ACBD6: variants seen among roughly 807,000 people sequenced by gnomAD.
The protein encoded by ACBD6 is acyl-CoA binding domain containing 6.
ACBD6 carries 28 observed loss-of-function variants against 37.2 expected under a neutral mutation model. The ratio of observed to expected loss-of-function variants is 0.75; its 90% CI spans 0.56 to 1.03. The LOEUF is 1.03. Among genes scored for constraint, ACBD6 ranks in the 50% least tolerant of loss-of-function variants. The pLI is 0.00. For missense variants in ACBD6, 340 were observed against 337.4 expected (o/e 1.01, Z -0.06); for synonymous variants, 113 against 126.8 (o/e 0.89, Z 0.73).
At chr1:180,344,184 A>G (rs970270743) in intron 6 of ACBD6, among the ~76,000 whole-genome samples, 2 of 152,240 alleles carry the variant, frequency 1.3e-5, no homozygotes, top group Non-Finnish European at 2.9e-5. Flanking sequence ...AATGGGTAAG[A>G]GGCCAGCAGA....
intron 4 of ACBD6, among the ~76,000 whole-genome samples, chr1:180,424,929 G>A (rs1648523004): frequency 1.3e-5 from 2 of 152,166 alleles, no homozygotes; most frequent in Non-Finnish European, 2.9e-5. Context: ...ATGAGAGCCA[G>A]GAGACTCTTA....
intron 5 of ACBD6, among the ~76,000 whole-genome samples, chr1:180,412,412 C>A (rs1480213365): frequency 2.6e-5 from 4 of 152,164 alleles, no homozygotes; most frequent in Non-Finnish European, 2.9e-5. Flanking sequence ...TTCTTCCTAA[C>A]AATTACTACC....
chr1:180,280,307 G>T (rs1318653328), intron 9 of ACBD6, among the ~76,000 whole-genome samples: 1 of 152,000 alleles, frequency 6.6e-6, no homozygotes, highest in Non-Finnish European at 1.5e-5. Flanking sequence ...TTGTGTGTGT[G>T]GCATTTCCCT....
At chr1:180,405,286 G>C (rs969628706) in intron 5 of ACBD6, among the ~76,000 whole-genome samples, 8 of 151,842 alleles carry the variant, frequency 5.3e-5, no homozygotes, top group African/African-American at 1.9e-4. Flanking sequence ...GTATTGTTAG[G>C]AGCCACAGAT....
At chr1:180,378,930 G>A (rs1414381053) in intron 6 of ACBD6, among the ~76,000 whole-genome samples, 1 of 152,036 alleles carries the variant, frequency 6.6e-6, no homozygotes, top group Non-Finnish European at 1.5e-5. Flanking sequence ...ATTACCTAGG[G>A]GCTCGAGAAC....
At chr1:180,472,184 A>G (rs1009773025) in intron 3 of ACBD6, among the ~76,000 whole-genome samples, 2 of 152,158 alleles carry the variant, frequency 1.3e-5, no homozygotes, top group African/African-American at 4.8e-5. Flanking sequence ...CCCCTCCTTT[A>G]AGTTAAGGTA....
chr1:180,427,069 GA>G, intron 4 of ACBD6, among the ~76,000 whole-genome samples: 1 of 152,186 alleles, frequency 6.6e-6, no homozygotes, highest in Admixed American at 6.5e-5. Flanking sequence ...TTCTATGACA[GA>G]GTAGAAAGCA....
chr1:180,380,699 C>A (rs1040412992), intron 6 of ACBD6, among the ~76,000 whole-genome samples: 1 of 151,598 alleles, frequency 6.6e-6, no homozygotes. Flanking sequence ...AATATAAAAA[C>A]CACTGGTGGA....
chr1:180,369,656 T>C (rs1419202195), intron 6 of ACBD6, among the ~76,000 whole-genome samples: 1 of 152,202 alleles, frequency 6.6e-6, no homozygotes, highest in South Asian at 2.1e-4. Context: ...TAAAAAACTG[T>C]TAGACAAGTA....
intron 3 of ACBD6, among the ~76,000 whole-genome samples, chr1:180,446,380 T>C (rs1649474500): frequency 1.3e-5 from 2 of 152,144 alleles, no homozygotes; most frequent in South Asian, 2.1e-4. Flanking sequence ...TTAAACATTT[T>C]TGAAGCAAAA....
chr1:180,461,896 CATG>C (rs1290161262), intron 3 of ACBD6, among the ~76,000 whole-genome samples: 1 of 152,094 alleles, frequency 6.6e-6, no homozygotes, highest in Non-Finnish European at 1.5e-5. Context: ...CAGGTAGCAT[CATG>C]ATGACAGGAT....
Position 180,413,458 on chromosome 1 carries a change from T to G in ACBD6, c.481A>C (p.Asn161His), listed in dbSNP as rs1200576802. ...TTTTCCCTGCAGTAATCAAATATATTTTTGTCTTCTTCCCTAGAATAAAAA... is the reference window on the plus strand; with the variant it reads ...TTTTCCCTGCAGTAATCAAATATATGTTTGTCTTCTTCCCTAGAATAAAAA... ...HEETIREEDK[N>H]IFDYCRENNI... The change falls in exon 5 of 8, where the codon AAT becomes CAT. Residue 161 changes from asparagine (N) to histidine (H), a missense_variant. Transcript: ENST00000367595. 1.2e-6 allele frequency: 2 copies of G among 1,611,740 alleles called. No individual in the cohort carries two copies.
intron 6 of ACBD6, among the ~76,000 whole-genome samples, chr1:180,377,784 CT>C (rs1212245490): frequency 1.3e-5 from 2 of 151,790 alleles, no homozygotes; most frequent in African/African-American, 4.8e-5. Flanking sequence ...CCCGTCTCTA[CT>C]AAAAATGCAA....
chr1:180,430,975 G>A (rs1480580438), intron 3 of ACBD6, among the ~76,000 whole-genome samples: 1 of 152,110 alleles, frequency 6.6e-6, no homozygotes, highest in African/African-American at 2.4e-5. Flanking sequence ...CCCATGTATT[G>A]ACAGCGTTTA....
chr1:180,501,694 A>G (rs1651983091), intron 1 of ACBD6, among the ~76,000 whole-genome samples: 1 of 152,180 alleles, frequency 6.6e-6, no homozygotes, highest in African/African-American at 2.4e-5. Flanking sequence ...ATTTACTTCC[A>G]TGTGGCCCTC....
At chr1:180,421,625 T>C (rs1648367191) in intron 4 of ACBD6, among the ~76,000 whole-genome samples, 1 of 152,216 alleles carries the variant, frequency 6.6e-6, no homozygotes, top group Non-Finnish European at 1.5e-5. Flanking sequence ...CAACAATGTA[T>C]AAAGTGTTCC....
chr1:180,477,827 C>A (rs1188088548), intron 3 of ACBD6, among the ~76,000 whole-genome samples: 1 of 152,010 alleles, frequency 6.6e-6, no homozygotes, highest in Non-Finnish European at 1.5e-5. Context: ...TGCTCTAATG[C>A]ACAAATAAGA....
downstream of ACBD6, among the ~76,000 whole-genome samples, chr1:180,284,872 C>T (rs2149275044): frequency 6.6e-6 from 1 of 152,194 alleles, no homozygotes; most frequent in East Asian, 1.9e-4. Flanking sequence ...GATCATGTGG[C>T]CAAGCCTGGT....
rs1651142527 is a variant in ACBD6 at position 180,323,302 on chromosome 1, A to G, written c.664-8580T>C. ...TGCTTAATATTATTTCAGTTTTTGA[A>G]TAAGACTTATTTTGTGGCCTAATAT... is the stretch of plus-strand genomic sequence containing the variant. On this transcript the variant is annotated intron_variant, in intron 6 of 7. Coordinates refer to ENST00000367595, the MANE Select transcript of ACBD6 (RefSeq NM_032360.4). 2.6e-5 allele frequency among the ~76,000 whole-genome samples: 4 copies of G among 152,060 alleles called. No individual in the cohort carries two copies. In the South Asian group the frequency reaches 8.3e-4, roughly 31 times the overall value.
Sources: allele counts gnomAD v4.1 joint callset (sites outside exome capture counted in the v4.1 genomes callset), GRCh38; gene constraint gnomAD v4.1.1; transcripts MANE v1.5; gene names NCBI Gene and HGNC (gene_info 2026-07-23, HGNC 2026-07-21).